The following PDGFRL variants were observed in gnomAD, a reference collection of about 807,000 sequenced individuals.
PDGFRL encodes the protein platelet derived growth factor receptor like.
A neutral mutation model predicts 37.2 loss-of-function variants in PDGFRL; 46 were observed. The ratio of observed to expected loss-of-function variants is 1.24; its 90% CI spans 0.98 to 1.58. The LOEUF (loss-of-function observed/expected upper bound fraction) is 1.58. Ranked by LOEUF, PDGFRL falls within the 40% of genes most tolerant of loss-of-function variation. PDGFRL has a pLI of 0.00. For synonymous variants in PDGFRL, 251 were observed against 184.3 expected, an observed-to-expected ratio of 1.36 and a Z score of -2.93; for missense variants, 692 against 467.6, an observed-to-expected ratio of 1.48 and a Z score of -4.43.
chr8:17,611,743 G>C (rs1184926526), intron 2 of PDGFRL, among the ~76,000 whole-genome samples: 1 of 152,196 alleles, frequency 6.6e-6, no homozygotes. Context: ...ATTTAGAACT[G>C]GAGGTAATGA....
intron 2 of PDGFRL, 73 bp from the exon 3 acceptor site, chr8:17,620,978 G>C: frequency 8.9e-7 from 1 of 1,120,838 alleles, no homozygotes; most frequent in Admixed American, 2.4e-5. Flanking sequence ...GAGAACAGTG[G>C]AGCCGAGTGT....
chr8:17,606,879 G>A lies in PDGFRL; in HGVS notation c.354-14172G>A, dbSNP rs970130558. On this transcript the variant is annotated intron_variant, in intron 2 of 5. Transcript: ENST00000251630. ...AATCATAAGAAACAGCCAGTTTTTC[G>A]TTTTTTGTTTTTTTGTTTTTTTTTT... Among the ~76,000 whole-genome samples the A allele has an allele frequency of 2.5e-4, 15 of 59,050 alleles. No homozygotes were observed. The South Asian group carries it at 2.6e-3, about 10-fold the overall frequency. The allele number at this position is 59,050 out of a possible 152,430, so 38.7% of individuals were successfully genotyped here. A position where few individuals can be genotyped will look rare whatever the true frequency, so the allele number is the denominator to read the frequency against.
At chr8:17,624,797 A>C (rs1048315436) in intron 3 of PDGFRL, among the ~76,000 whole-genome samples, 5 of 151,992 alleles carry the variant, frequency 3.3e-5, no homozygotes, top group Admixed American at 1.3e-4. Flanking sequence ...AATTCCAGCT[A>C]CTCGGGAGGC....
intron 3 of PDGFRL, among the ~76,000 whole-genome samples, chr8:17,625,976 C>G (rs975367908): frequency 6.6e-6 from 1 of 152,226 alleles, no homozygotes; most frequent in Non-Finnish European, 1.5e-5. Context: ...GCCTGGGCAA[C>G]AGCGTGAGAC....
chr8:17,577,949 C>G lies in PDGFRL; in HGVS notation c.55+642C>G, dbSNP rs144904468. Among the ~76,000 whole-genome samples the G allele has an allele frequency of 8.6e-5, 13 of 151,888 alleles. No homozygotes were observed. In the East Asian group the frequency reaches 2.5e-3, roughly 30 times the overall value. On this transcript the variant is annotated intron_variant, in intron 1 of 5. Transcript: ENST00000251630. ...GTGAAGAAAATGCATTTTTTTGGTA[C>G]AGCTTATGGGACCATGACCGCTGCG...
At chr8:17,608,376 G>A (rs1352894154) in intron 2 of PDGFRL, among the ~76,000 whole-genome samples, 1 of 152,166 alleles carries the variant, frequency 6.6e-6, no homozygotes, top group Non-Finnish European at 1.5e-5. Context: ...TAGGGGGTTG[G>A]GGGCCCTGTG....
upstream of PDGFRL, chr8:17,576,903 C>A: frequency 3.2e-6 from 1 of 310,848 alleles, no homozygotes; most frequent in Non-Finnish European, 5.8e-6. Context: ...ACCCCATCAG[C>A]ACCCGCTGAT....
At chr8:17,613,991 C>A (rs1804473291) in intron 2 of PDGFRL, among the ~76,000 whole-genome samples, 1 of 152,188 alleles carries the variant, frequency 6.6e-6, no homozygotes, top group Non-Finnish European at 1.5e-5. Flanking sequence ...TATTGTATCA[C>A]ATTGCAAGGA....
chr8:17,576,624 G>C, upstream of PDGFRL: 1 of 662,906 alleles, frequency 1.5e-6, no homozygotes, highest in Non-Finnish European at 1.9e-6. Context: ...CGGGTTGTCT[G>C]CACAGTCTCA....
chr8:17,626,001 TA>T, intron 3 of PDGFRL, among the ~76,000 whole-genome samples: 1 of 152,290 alleles, frequency 6.6e-6, no homozygotes, highest in East Asian at 1.9e-4. Flanking sequence ...TCTCAAAAAA[TA>T]AAAATACAAG....
chr8:17,577,153 T>C (rs527841629), upstream of PDGFRL: 139 of 1,506,988 alleles, frequency 9.2e-5, no homozygotes, highest in Non-Finnish European at 1.2e-4. Context: ...ATCCTCCCGC[T>C]TCGGCGTCCC....
intron 3 of PDGFRL, among the ~76,000 whole-genome samples, chr8:17,624,627 C>G (rs543447247): frequency 2.6e-5 from 4 of 152,300 alleles, no homozygotes; most frequent in Admixed American, 2.6e-4. Flanking sequence ...ACTTTCCTGG[C>G]TGGGTGCAGT....
At chr8:17,620,375 G>C (rs1409100619) in intron 2 of PDGFRL, among the ~76,000 whole-genome samples, 1 of 152,162 alleles carries the variant, frequency 6.6e-6, no homozygotes, top group Admixed American at 6.5e-5. Context: ...TCAGTTTTTA[G>C]TGATAGATTT....
At chr8:17,577,402 C>G (rs1288607170) in intron 1 of PDGFRL, 95 bp downstream of exon 1, 10 of 1,080,362 alleles carry the variant, frequency 9.3e-6, no homozygotes, top group Non-Finnish European at 1.4e-5. Flanking sequence ...CTTGGTCTAA[C>G]GTTCGGCCCT....
rs149398583 is a variant in PDGFRL, at chr8:17,636,281, G to C, written c.939+2068G>C. On this transcript the variant is annotated intron_variant, in intron 5 of 5. Coordinates refer to ENST00000251630, the MANE Select transcript of PDGFRL (RefSeq NM_001372073.1). ...TTAAGTATTTGATCCACCTTGAGTT[G>C]ATTTTTGTATAAGGTGAAAGATAAG... Among the ~76,000 whole-genome samples the C allele has an allele frequency of 5.9e-3, 895 of 151,356 alleles. 2 individuals carry two copies. The highest frequency in any genetic ancestry group is 9.1e-3 in the Non-Finnish European group (619 of 67,826).
chr8:17,609,649 AAAAAAAAAAAAAAAAAT>A lies in PDGFRL; in HGVS notation c.354-11399_354-11383del, dbSNP rs1310232479. On this transcript the variant is annotated intron_variant, in intron 2 of 5. Coordinates refer to ENST00000251630, the MANE Select transcript of PDGFRL (RefSeq NM_001372073.1). ...TGAGACTCTGTAAAAAAAAAAAAAA[AAAAAAAAAAAAAAAAAT>A]AAGAGCCAAAGAGAACAGCATCAAA... is the stretch of plus-strand genomic sequence containing the variant. Among the ~76,000 whole-genome samples the A allele has an allele frequency of 4.7e-5, 6 of 128,442 alleles. 1 individual carries two copies. Among genetic ancestry groups the A allele is most frequent in the Admixed American group, 8.1e-5 (1 of 12,404 alleles). 84.3% of individuals were successfully genotyped at this position (128,442 alleles called of 152,430 possible).
chr8:17,629,986 ACTCCC>A (rs1357967551), intron 4 of PDGFRL, among the ~76,000 whole-genome samples: 1 of 151,040 alleles, frequency 6.6e-6, no homozygotes, highest in Non-Finnish European at 1.5e-5. Context: ...TCCTCTCTGT[ACTCCC>A]CTCTCCTGTC....
rs748544679 is a variant in PDGFRL, at chr8:17,621,090, C to G, written c.393C>G (p.Val131=). 4 of 1,611,256 alleles carry G rather than the reference C, an allele frequency of 2.5e-6. No homozygotes were observed. The highest frequency in any genetic ancestry group is 2.7e-5 in the African/African-American group (2 of 74,786). Residue 131 remains valine, a synonymous_variant, in exon 3 of 6, where the codon GTC becomes GTG. Coordinates refer to ENST00000251630, the MANE Select transcript of PDGFRL (RefSeq NM_001372073.1). The part of the protein sequence containing the change: ...QNERYGQLTL[V]NSTSADTGEF... The stretch of plus-strand genomic sequence containing the variant: ...AGCGCTACGGCCAGTTGACTCTGGT[C>G]AACTCCACCTCGGCAGACACAGGTG...
intron 1 of PDGFRL, among the ~76,000 whole-genome samples, chr8:17,586,279 C>T (rs1472118652): frequency 1.3e-5 from 2 of 152,148 alleles, no homozygotes; most frequent in Non-Finnish European, 2.9e-5. Flanking sequence ...ACCAACATCT[C>T]CTCACCGAGG....
Sources: allele counts gnomAD v4.1 joint callset (sites outside exome capture counted in the v4.1 genomes callset), GRCh38; gene constraint gnomAD v4.1.1; transcripts MANE v1.5; gene names NCBI Gene and HGNC (gene_info 2026-07-23, HGNC 2026-07-21).